The following SIL1 variants were observed in gnomAD, a reference collection of about 807,000 sequenced individuals.
SIL1 encodes the protein SIL1 nucleotide exchange factor.
A neutral mutation model predicts 49.1 loss-of-function variants in SIL1; 40 were observed. The ratio of observed to expected loss-of-function variants is 0.81; its 90% CI spans 0.63 to 1.06. SIL1 has a LOEUF of 1.06. SIL1 is among the 50% of genes least tolerant of loss of function. SIL1 has a pLI of 0.00. For synonymous variants in SIL1, 253 were observed against 250.8 expected (o/e 1.01, Z -0.08); for missense variants, 500 against 572.6 (o/e 0.87, Z 1.29).
At chr5:139,025,952 G>T (rs1768639671) in intron 6 of SIL1, among the ~76,000 whole-genome samples, 1 of 152,146 alleles carries the variant, frequency 6.6e-6, no homozygotes, top group Admixed American at 6.5e-5. Context: ...TAGGAAAGGA[G>T]GTGTTGGGCC....
intron 1 of SIL1, among the ~76,000 whole-genome samples, chr5:139,185,944 C>T (rs1425267588): frequency 4.6e-5 from 7 of 152,256 alleles, no homozygotes; most frequent in Admixed American, 3.9e-4. Context: ...TGGCTGACCA[C>T]ATTTAAGCAG....
At chr5:139,056,877 G>A (rs1360670173) in intron 3 of SIL1, among the ~76,000 whole-genome samples, 1 of 151,908 alleles carries the variant, frequency 6.6e-6, no homozygotes, top group Admixed American at 6.6e-5. Context: ...GAATAGAAAG[G>A]GGGGAAAGGT....
intron 7 of SIL1, among the ~76,000 whole-genome samples, chr5:138,974,540 C>T (rs922687525): frequency 1.7e-4 from 26 of 152,236 alleles, no homozygotes; most frequent in African/African-American, 6.3e-4. Context: ...CAGCCAGGCA[C>T]ACAGATTATC....
Position 139,160,271 on chromosome 5 carries a change from C to T in SIL1, c.-10-32418G>A, listed in dbSNP as rs955080359. Among the ~76,000 whole-genome samples the T allele has an allele frequency of 5.3e-5, 8 of 151,648 alleles. 1 individual carries two copies. The highest frequency in any genetic ancestry group is 1.7e-4 in the African/African-American group (7 of 41,258). ...GCCAGAAGACAGCTGTGAAAACTTC[C>T]GAAAGAAAACACTCCTTTGAAGAAC... On this transcript the variant is annotated intron_variant, in intron 1 of 9. Coordinates refer to ENST00000394817, the MANE Select transcript of SIL1 (RefSeq NM_022464.5).
intron 3 of SIL1, among the ~76,000 whole-genome samples, chr5:139,112,869 G>A (rs1770899249): frequency 6.6e-6 from 1 of 152,172 alleles, no homozygotes; most frequent in African/African-American, 2.4e-5. Context: ...GGGGAAATGT[G>A]GGGAAAAGAT....
chr5:139,130,164 G>A (rs1200564999), intron 1 of SIL1, among the ~76,000 whole-genome samples: 2 of 152,084 alleles, frequency 1.3e-5, no homozygotes, highest in Non-Finnish European at 2.9e-5. Context: ...TGCACCTACA[G>A]TCCCAGCTAC....
chr5:139,037,133 T>A (rs1768935069), intron 5 of SIL1, among the ~76,000 whole-genome samples: 1 of 147,980 alleles, frequency 6.8e-6, no homozygotes, highest in Admixed American at 6.6e-5. Flanking sequence ...AGTTCATTTT[T>A]TCCCCCAGCA....
chr5:139,114,793 C>T (rs1172091314), intron 3 of SIL1, among the ~76,000 whole-genome samples: 1 of 152,190 alleles, frequency 6.6e-6, no homozygotes, highest in Non-Finnish European at 1.5e-5. Flanking sequence ...AGAAGACAGA[C>T]CACCCCAACA....
intron 1 of SIL1, among the ~76,000 whole-genome samples, chr5:139,194,539 G>A (rs547911801): frequency 2.6e-5 from 4 of 152,274 alleles, no homozygotes; most frequent in African/African-American, 7.2e-5. Context: ...GTTTAAGGCC[G>A]ACTCAGAAAA....
chr5:139,032,151 T>C (rs1347195391), intron 5 of SIL1, among the ~76,000 whole-genome samples: 3 of 152,224 alleles, frequency 2.0e-5, no homozygotes, highest in Non-Finnish European at 4.4e-5. Context: ...CTTGGCTTGT[T>C]TCTGACCTCA....
chr5:138,982,790 C>G (rs1187596737), intron 7 of SIL1, among the ~76,000 whole-genome samples: 1 of 152,176 alleles, frequency 6.6e-6, no homozygotes, highest in Non-Finnish European at 1.5e-5. Context: ...AACAAAACAC[C>G]CATGGGTGGA....
At chr5:139,174,937 C>CAAAAA (rs56959325) in intron 1 of SIL1, among the ~76,000 whole-genome samples, 10 of 59,846 alleles carry the variant, frequency 1.7e-4, no homozygotes, top group African/African-American at 4.8e-4. Flanking sequence ...GACTGTGTCT[C>CAAAAA]AAAAAAAAAA....
intron 1 of SIL1, among the ~76,000 whole-genome samples, chr5:139,175,832 G>A (rs1052210720): frequency 2.0e-5 from 3 of 152,228 alleles, no homozygotes; most frequent in Admixed American, 6.5e-5. Context: ...GCGTGGTGGC[G>A]CATGCCTGTG....
intron 3 of SIL1, among the ~76,000 whole-genome samples, chr5:139,111,707 T>G (rs1770842326): frequency 6.6e-6 from 1 of 152,158 alleles, no homozygotes; most frequent in African/African-American, 2.4e-5. Flanking sequence ...GTTCTCCTCT[T>G]CTACTATCAA....
intron 3 of SIL1, among the ~76,000 whole-genome samples, chr5:139,073,387 A>C (rs1769877718): frequency 1.3e-5 from 2 of 152,216 alleles, no homozygotes; most frequent in Admixed American, 6.5e-5. Context: ...CATTTGCAAT[A>C]ATATGGGTGA....
At chr5:139,175,482 T>C (rs1751862342) in intron 1 of SIL1, among the ~76,000 whole-genome samples, 1 of 152,162 alleles carries the variant, frequency 6.6e-6, no homozygotes, top group Non-Finnish European at 1.5e-5. Context: ...GCAAGCCAAC[T>C]GAACCAGTAA....
At chr5:139,124,216 C>G (rs1750710842) in intron 2 of SIL1, among the ~76,000 whole-genome samples, 1 of 152,166 alleles carries the variant, frequency 6.6e-6, no homozygotes, top group Non-Finnish European at 1.5e-5. Context: ...ATTTTAACTA[C>G]TAAGGGTTCG....
intron 3 of SIL1, among the ~76,000 whole-genome samples, chr5:139,083,321 C>T (rs373993589): frequency 2.0e-5 from 3 of 151,976 alleles, no homozygotes; most frequent in Admixed American, 6.6e-5. Flanking sequence ...TCCTATTTCT[C>T]CACATCCTCT....
At chr5:138,984,647 C>T (rs1157725955) in intron 7 of SIL1, among the ~76,000 whole-genome samples, 6 of 152,178 alleles carry the variant, frequency 3.9e-5, no homozygotes, top group Admixed American at 6.5e-5. Flanking sequence ...GCATGAGCCA[C>T]TGCACCCAGC....
Sources: allele counts gnomAD v4.1 joint callset (sites outside exome capture counted in the v4.1 genomes callset), GRCh38; gene constraint gnomAD v4.1.1; transcripts MANE v1.5; gene names NCBI Gene and HGNC (gene_info 2026-07-23, HGNC 2026-07-21).